Variants in PXDNL observed in about 807,000 individuals in gnomAD.
PXDNL encodes probable oxidoreductase PXDNL.
Under a neutral mutation model 150.8 loss-of-function variants are expected in PXDNL, and 145 were observed. The ratio of observed to expected loss-of-function variants is 0.96; its 90% CI spans 0.84 to 1.10. The LOEUF is 1.10. PXDNL is among the 50% of genes least tolerant of loss of function. PXDNL has a pLI of 0.00. For missense variants in PXDNL, 2,087 were observed against 1,873.9 expected (o/e 1.11, Z -2.10); for synonymous variants, 757 against 725.7 (o/e 1.04, Z -0.69).
At position 51,617,166 on chromosome 8, in the gene PXDNL, G is replaced by C. The variant is rs182621971; in HGVS notation, c.237-24468C>G. 5.3e-5 allele frequency among the ~76,000 whole-genome samples: 8 copies of C among 152,186 alleles called. No individual in the cohort carries two copies. In the East Asian group the frequency reaches 1.4e-3, roughly 26 times the overall value. On this transcript the variant is annotated intron_variant, in intron 2 of 22. Transcript: ENST00000356297. ...ACACAATTCGCCAATTTGTCAGTTT[G>C]GCCAAATGGCATCTCAATCTTCCTC...
chr8:51,421,486 G>A lies in PXDNL; in HGVS notation c.1795+2089C>T, dbSNP rs558584993. ...AGGCTAAGGTGGGCAGATCACCTGA[G>A]GTCAGGAGTTCAAGACAGGCCTGGC... On this transcript the variant is annotated intron_variant, in intron 14 of 22. Transcript: ENST00000356297. 4.6e-5 allele frequency among the ~76,000 whole-genome samples: 7 copies of A among 152,266 alleles called. No individual in the cohort carries two copies. The South Asian group carries it at 1.5e-3, about 32-fold the overall frequency.
At chr8:51,693,179 G>C (rs569368597) in intron 1 of PXDNL, among the ~76,000 whole-genome samples, 1 of 152,288 alleles carries the variant, frequency 6.6e-6, no homozygotes, top group Non-Finnish European at 1.5e-5. Context: ...CATGAAAGTT[G>C]CAGACAATAA....
At chr8:51,805,960 T>C (rs1055511341) in intron 1 of PXDNL, among the ~76,000 whole-genome samples, 1 of 152,194 alleles carries the variant, frequency 6.6e-6, no homozygotes, top group Admixed American at 6.5e-5. Flanking sequence ...TGGACATTTT[T>C]TTGTTTGCAA....
intron 17 of PXDNL, among the ~76,000 whole-genome samples, chr8:51,377,350 C>T (rs894417039): frequency 6.6e-6 from 1 of 152,124 alleles, no homozygotes; most frequent in Non-Finnish European, 1.5e-5. Context: ...AGCGTGCTGG[C>T]AGCCCTGGCA....
chr8:51,482,708 C>A (rs1170926706), intron 6 of PXDNL, among the ~76,000 whole-genome samples: 1 of 152,122 alleles, frequency 6.6e-6, no homozygotes, highest in East Asian at 1.9e-4. Context: ...AACAGGAGTT[C>A]CCTGCACAGG....
rs573979408 is a variant in PXDNL, at chr8:51,399,628, A to G, written c.3557+8439T>C. ...GAGCTATGCTTCTGGAATGATGACAATGCTCTTTGTCTTCACTGGGGTAAT... is the reference window on the plus strand; with the variant it reads ...GAGCTATGCTTCTGGAATGATGACAGTGCTCTTTGTCTTCACTGGGGTAAT... On this transcript the variant is annotated intron_variant, in intron 17 of 22. Transcript: ENST00000356297. Among the ~76,000 whole-genome samples, 3 of 152,334 alleles carry G rather than the reference A, an allele frequency of 2.0e-5. No individual in the cohort carries two copies. In the East Asian group the frequency reaches 5.8e-4, roughly 29 times the overall value.
intron 12 of PXDNL, among the ~76,000 whole-genome samples, chr8:51,443,147 T>A (rs1266878673): frequency 6.6e-6 from 1 of 152,190 alleles, no homozygotes; most frequent in Non-Finnish European, 1.5e-5. Context: ...TCTTTTGACA[T>A]AAATTTTCAT....
rs78699549 is a variant in PXDNL, at chr8:51,499,576, A to T, written c.452+123T>A. On this transcript the variant is annotated intron_variant, in intron 5 of 22. Transcript: ENST00000356297. ...TATATTAACTCTGTTTTGTAGTGCC[A>T]AGGTACAGGCTCTGCCTCTAAAGCT... is the stretch of plus-strand genomic sequence containing the variant. 285 of 662,848 alleles carry T rather than the reference A, an allele frequency of 4.3e-4. No homozygotes were observed. The African/African-American group carries it at 4.8e-3, about 11-fold the overall frequency. The allele number at this position is 662,848 out of a possible 1,614,324, so 41.1% of individuals were successfully genotyped here.
intron 1 of PXDNL, among the ~76,000 whole-genome samples, chr8:51,734,304 G>T (rs1816990833): frequency 6.6e-6 from 1 of 152,138 alleles, no homozygotes; most frequent in Non-Finnish European, 1.5e-5. Context: ...AAGAATCAAA[G>T]AAATTAAAGT....
intron 1 of PXDNL, among the ~76,000 whole-genome samples, chr8:51,750,279 C>T (rs549677764): frequency 6.6e-6 from 1 of 152,196 alleles, no homozygotes; most frequent in East Asian, 1.9e-4. Flanking sequence ...TCATCAATAT[C>T]ACTATCTTCC....
intron 4 of PXDNL, among the ~76,000 whole-genome samples, chr8:51,550,259 A>C (rs568997314): frequency 2.0e-4 from 30 of 152,322 alleles, no homozygotes; most frequent in Admixed American, 1.8e-3. Context: ...TCAGACATCC[A>C]AATAAGAATT....
chr8:51,640,391 T>C (rs1175457995), intron 2 of PXDNL, among the ~76,000 whole-genome samples: 2 of 152,042 alleles, frequency 1.3e-5, no homozygotes, highest in Non-Finnish European at 2.9e-5. Flanking sequence ...GGGTATTCAA[T>C]TAGGAAAAGA....
chr8:51,361,960 A>AAAAAAAAAAAAAAG (rs1563374211), intron 19 of PXDNL, among the ~76,000 whole-genome samples: 14 of 148,998 alleles, frequency 9.4e-5, no homozygotes, highest in African/African-American at 3.2e-4. Flanking sequence ...AAAAAAAAAA[A>AAAAAAAAAAAAAAG]AAAAAGAAAA....
At chr8:51,578,987 T>C (rs1237880325) in intron 3 of PXDNL, among the ~76,000 whole-genome samples, 14 of 152,016 alleles carry the variant, frequency 9.2e-5, no homozygotes, top group Non-Finnish European at 1.3e-4. Context: ...AATGTAAATA[T>C]GTAAACTATA....
chr8:51,807,613 C>T (rs1012536519), intron 1 of PXDNL, among the ~76,000 whole-genome samples: 1 of 152,124 alleles, frequency 6.6e-6, no homozygotes, highest in Non-Finnish European at 1.5e-5. Flanking sequence ...GCACCAGACT[C>T]CCAGACAGGA....
intron 4 of PXDNL, among the ~76,000 whole-genome samples, chr8:51,520,279 C>A: frequency 6.6e-6 from 1 of 152,198 alleles, no homozygotes. Context: ...TTCAACCCAA[C>A]TCTAGCTTCT....
At chr8:51,527,546 G>A (rs965499902) in intron 4 of PXDNL, among the ~76,000 whole-genome samples, 1 of 152,190 alleles carries the variant, frequency 6.6e-6, no homozygotes, top group African/African-American at 2.4e-5. Flanking sequence ...ACCCTGTGAG[G>A]TGAGTATTAT....
At chr8:51,785,079 A>G (rs570602793) in intron 1 of PXDNL, among the ~76,000 whole-genome samples, 1 of 152,304 alleles carries the variant, frequency 6.6e-6, no homozygotes, top group Non-Finnish European at 1.5e-5. Context: ...TGGGCTTACC[A>G]TCAAGATCTT....
At chr8:51,519,856 G>C (rs1490928973) in intron 4 of PXDNL, among the ~76,000 whole-genome samples, 1 of 151,920 alleles carries the variant, frequency 6.6e-6, no homozygotes, top group Non-Finnish European at 1.5e-5. Context: ...TACTTTTTTT[G>C]GACCCACCAG....
Sources: allele counts gnomAD v4.1 joint callset (sites outside exome capture counted in the v4.1 genomes callset), GRCh38; gene constraint gnomAD v4.1.1; transcripts MANE v1.5; gene names NCBI Gene and HGNC (gene_info 2026-07-23, HGNC 2026-07-21).